Variants in MYO10 observed in about 807,000 individuals in gnomAD.
MYO10 encodes unconventional myosin-X.
Under a neutral mutation model 257.3 loss-of-function variants are expected in MYO10, and 133 were observed. The ratio of observed to expected loss-of-function variants is 0.52; its 90% CI spans 0.45 to 0.60. MYO10 has a LOEUF of 0.60. Among genes scored for constraint, MYO10 ranks in the 20% least tolerant of loss-of-function variants. MYO10 has a pLI of 0.00. For synonymous variants in MYO10, 1,104 were observed against 1,028.6 expected (o/e 1.07, Z -1.40); for missense variants, 2,399 against 2,635.7 (o/e 0.91, Z 1.97).
rs79321929 is a variant in MYO10 at position 16,803,260 on chromosome 5, C to T, written c.280-8427G>A. ...CACTAATGTCAAAACCCTGTCTCTA[C>T]AAAAAATACATTAAAAAGTTAGCCA... On this transcript the variant is annotated intron_variant, in intron 3 of 40. Coordinates refer to ENST00000513610, the MANE Select transcript of MYO10 (RefSeq NM_012334.3). Among the ~76,000 whole-genome samples, 1,090 of 152,038 alleles carry T rather than the reference C, an allele frequency of 7.2e-3. 11 individuals are homozygous for T. Among genetic ancestry groups the T allele is most frequent in the African/African-American group, 0.025 (1,046 of 41,464 alleles).
intron 2 of MYO10, among the ~76,000 whole-genome samples, chr5:16,871,787 CCA>C (rs1744462660): frequency 2.6e-5 from 4 of 152,072 alleles, no homozygotes; most frequent in Admixed American, 2.6e-4. Context: ...AGTCTTTGGG[CCA>C]CTGACAGTTC....
chr5:16,727,516 G>T (rs1010531701), intron 19 of MYO10, among the ~76,000 whole-genome samples: 2 of 152,056 alleles, frequency 1.3e-5, no homozygotes, highest in African/African-American at 4.8e-5. Context: ...GTGAAATAAA[G>T]GCCCCATGAA....
intron 12 of MYO10, 29 bp downstream of exon 12, chr5:16,764,221 T>A: frequency 1.2e-6 from 2 of 1,611,390 alleles, no homozygotes; most frequent in Non-Finnish European, 1.7e-6. Flanking sequence ...CAGAAGAGAA[T>A]TCACGTGCTG....
chr5:16,700,471 G>A (rs952929453), intron 25 of MYO10, among the ~76,000 whole-genome samples: 1 of 152,218 alleles, frequency 6.6e-6, no homozygotes, highest in Non-Finnish European at 1.5e-5. Flanking sequence ...GAGGTCAGGA[G>A]TTCAAGACCA....
Position 16,741,715 on chromosome 5 carries a change from C to T in MYO10, c.1929+13113G>A, listed in dbSNP as rs188604279. ...TGGAGAAACAGCAAAATCTGTTCCC[C>T]GTGTATGATCTCTGCAGTTTTACAA... is the stretch of plus-strand genomic sequence containing the variant. On this transcript the variant is annotated intron_variant, in intron 19 of 40. Transcript: ENST00000513610. The T allele has an allele frequency of 5.1e-5, 44 of 855,578 alleles. No homozygotes were observed. In the African/African-American group the frequency reaches 5.2e-4, roughly 10 times the overall value. 53.0% of individuals were successfully genotyped at this position (855,578 alleles called of 1,614,324 possible).
intron 3 of MYO10, among the ~76,000 whole-genome samples, chr5:16,817,158 C>T (rs982046200): frequency 3.9e-5 from 6 of 152,060 alleles, no homozygotes. Context: ...AACATATTGG[C>T]AAAGAAATGT....
intron 1 of MYO10, among the ~76,000 whole-genome samples, chr5:16,904,292 C>A (rs904394098): frequency 1.3e-5 from 2 of 152,106 alleles, no homozygotes; most frequent in African/African-American, 4.8e-5. Context: ...GTCTGGGTAA[C>A]CTTTGTGATA....
rs1334040998 is a variant in MYO10 at position 16,670,599 on chromosome 5, T to C, written c.5810A>G (p.Glu1937Gly). Residue 1937 changes from glutamate to glycine, a missense_variant, in exon 39 of 41, where the codon GAA becomes GGA. Coordinates refer to ENST00000513610, the MANE Select transcript of MYO10 (RefSeq NM_012334.3). ...GGCCATGTACTTGGCCATGGCCTGTTCCTGGTTCATTCCCTGAAATTTCCT... is the reference window on the plus strand; with the variant it reads ...GGCCATGTACTTGGCCATGGCCTGTCCCTGGTTCATTCCCTGAAATTTCCT... ...KWRKFQGMNQ[E>G]QAMAKYMALI... The C allele has an allele frequency of 6.2e-7, 1 of 1,614,034 alleles. No individual in the cohort carries two copies. The highest frequency in any genetic ancestry group is 8.5e-7 in the Non-Finnish European group (1 of 1,179,894).
At chr5:16,762,202 A>G in intron 15 of MYO10, 89 bp from the exon 16 acceptor site, 2 of 1,397,148 alleles carry the variant, frequency 1.4e-6, no homozygotes, top group Non-Finnish European at 1.9e-6. Flanking sequence ...ACTAAATACA[A>G]AAGACAGTGA....
intron 1 of MYO10, among the ~76,000 whole-genome samples, chr5:16,900,175 A>C (rs1334129403): frequency 6.6e-6 from 1 of 152,196 alleles, no homozygotes; most frequent in East Asian, 1.9e-4. Context: ...ACTGAATTGC[A>C]CAGGTCGGTT....
At chr5:16,844,925 A>C (rs1371507590) in intron 2 of MYO10, among the ~76,000 whole-genome samples, 1 of 149,900 alleles carries the variant, frequency 6.7e-6, no homozygotes, top group East Asian at 2.0e-4. Context: ...ATTCCAACAA[A>C]GTAATTCCAG....
intron 1 of MYO10, among the ~76,000 whole-genome samples, chr5:16,928,380 G>A (rs1045390372): frequency 6.6e-6 from 1 of 152,054 alleles, no homozygotes; most frequent in Non-Finnish European, 1.5e-5. Context: ...TTTTATTAGA[G>A]ACAGGGTTTC....
chr5:16,754,420 TA>T (rs1305847313), intron 19 of MYO10, among the ~76,000 whole-genome samples: 1 of 151,752 alleles, frequency 6.6e-6, no homozygotes, highest in African/African-American at 2.4e-5. Flanking sequence ...TCATCGTGTT[TA>T]AAATAACAAT....
chr5:16,884,598 C>T (rs1392982687), intron 1 of MYO10, among the ~76,000 whole-genome samples: 1 of 151,472 alleles, frequency 6.6e-6, no homozygotes, highest in Admixed American at 6.6e-5. Flanking sequence ...TCTTGATGAA[C>T]TGCAGAAACG....
intron 1 of MYO10, among the ~76,000 whole-genome samples, chr5:16,896,222 G>A (rs534408603): frequency 6.6e-6 from 1 of 152,294 alleles, no homozygotes; most frequent in African/African-American, 2.4e-5. Flanking sequence ...AGTTTGGGAG[G>A]CAGGGGTGGG....
intron 17 of MYO10, among the ~76,000 whole-genome samples, chr5:16,759,359 T>A (rs1032492246): frequency 6.6e-6 from 1 of 152,152 alleles, no homozygotes; most frequent in Non-Finnish European, 1.5e-5. Flanking sequence ...GCGGCAATAT[T>A]AGAGCTTTCC....
At chr5:16,785,919 A>G (rs1189275578) in intron 4 of MYO10, among the ~76,000 whole-genome samples, 3 of 152,110 alleles carry the variant, frequency 2.0e-5, no homozygotes, top group Non-Finnish European at 4.4e-5. Flanking sequence ...GCAGGCAGGC[A>G]GTAACAAGGG....
intron 4 of MYO10, among the ~76,000 whole-genome samples, chr5:16,787,758 A>G (rs1741631373): frequency 6.6e-6 from 1 of 152,148 alleles, no homozygotes; most frequent in South Asian, 2.1e-4. Context: ...ACAGTTCCTA[A>G]GCAGGAGAGT....
chr5:16,844,956 A>ACACACACACACACACG, intron 2 of MYO10, among the ~76,000 whole-genome samples: 1 of 87,938 alleles, frequency 1.1e-5, no homozygotes. Context: ...ACACACACGC[A>ACACACACACACACACG]CACACACACA....
Sources: gnomAD v4.1 joint callset for allele counts (sites outside exome capture counted in the v4.1 genomes callset) on GRCh38, gnomAD v4.1.1 for gene constraint, MANE v1.5 for transcripts, NCBI Gene and HGNC (gene_info 2026-07-23, HGNC 2026-07-21) for gene names.